PPP2R5A: variants seen among roughly 807,000 people sequenced by gnomAD.
PPP2R5A encodes the protein serine/threonine-protein phosphatase 2A 56 kDa regulatory subunit alpha isoform.
In PPP2R5A, 25 loss-of-function variants were observed where a neutral mutation model predicts 64.2. That is an observed-to-expected ratio of 0.39 (90% CI 0.28 to 0.54). PPP2R5A has a LOEUF of 0.54. PPP2R5A is among the 20% of genes least tolerant of loss of function. The probability of loss-of-function intolerance (pLI) is 0.67; values close to 1 mark genes in which losing one functional copy is unlikely to be tolerated. For synonymous variants in PPP2R5A, 198 were observed against 201.2 expected (o/e 0.98, Z 0.13); for missense variants, 425 against 576.3 (o/e 0.74, Z 2.69).
At chr1:212,324,246 C>A (rs1425344212) in intron 1 of PPP2R5A, among the ~76,000 whole-genome samples, 2 of 152,126 alleles carry the variant, frequency 1.3e-5, no homozygotes, top group East Asian at 3.8e-4. Flanking sequence ...TGTGTACAAA[C>A]CTGTACAGCA....
intron 3 of PPP2R5A, among the ~76,000 whole-genome samples, chr1:212,340,097 C>G (rs1210702827): frequency 6.6e-6 from 1 of 150,564 alleles, no homozygotes; most frequent in Non-Finnish European, 1.5e-5. Context: ...AGTTCGAGAC[C>G]AGCCTGGGCA....
intron 2 of PPP2R5A, 31 bp from the exon 3 acceptor site, chr1:212,333,466 C>T: frequency 7.3e-7 from 1 of 1,377,082 alleles, no homozygotes; most frequent in Non-Finnish European, 9.9e-7. Context: ...ACACATACAA[C>T]AACGAACGTA....
intron 2 of PPP2R5A, among the ~76,000 whole-genome samples, chr1:212,332,466 G>A (rs915672998): frequency 2.0e-5 from 3 of 152,046 alleles, no homozygotes; most frequent in African/African-American, 4.8e-5. Context: ...TAGAGAAAAA[G>A]GATATATATT....
rs568499051 is a variant in PPP2R5A at position 212,297,716 on chromosome 1, CCT to C, written c.181+11429_181+11430del. On this transcript the variant is annotated intron_variant, in intron 1 of 12. Transcript: ENST00000261461. Reference sequence around the variant, plus strand: ...TCATTGATCTTCTTTGAAACACTGTCCTCTCATTTTTAGGTAACCTAAAGTTT... The same window carrying C: ...TCATTGATCTTCTTTGAAACACTGTCCTCATTTTTAGGTAACCTAAAGTTT... 1.6e-3 allele frequency: 236 copies of C among 152,004 alleles called. 1 individual carries two copies. The highest frequency in any genetic ancestry group is 5.3e-3 in the African/African-American group (219 of 41,504). The allele number at this position is 152,004 out of a possible 1,614,324, so 9.4% of individuals were successfully genotyped here. A position where few individuals can be genotyped will look rare whatever the true frequency, so the allele number is the denominator to read the frequency against.
intron 3 of PPP2R5A, among the ~76,000 whole-genome samples, chr1:212,336,173 G>A (rs1176276076): frequency 6.6e-6 from 1 of 152,060 alleles, no homozygotes; most frequent in Non-Finnish European, 1.5e-5. Context: ...GGAGTGCAGT[G>A]GCATGATCTC....
In PPP2R5A at chr1:212,356,746, T is replaced by C. The variant is rs1659984099; in HGVS notation, c.978+70T>C. ...CAATCCCAGGGCTATAAACCATGCTTCTTTGGGCTGGCTGTATTGCTGTTG... is the reference window on the plus strand; with the variant it reads ...CAATCCCAGGGCTATAAACCATGCTCCTTTGGGCTGGCTGTATTGCTGTTG... On this transcript the variant is annotated intron_variant, in intron 9 of 12. Transcript: ENST00000261461. 16 of 1,515,454 alleles carry C rather than the reference T, an allele frequency of 1.1e-5. No homozygotes were observed. The South Asian group carries it at 1.7e-4, about 16-fold the overall frequency. The allele number at this position is 1,515,454 out of a possible 1,614,324, so 93.9% of individuals were successfully genotyped here. A position where few individuals can be genotyped will look rare whatever the true frequency, so the allele number is the denominator to read the frequency against.
At chr1:212,338,701 G>A (rs565666344) in intron 3 of PPP2R5A, among the ~76,000 whole-genome samples, 2 of 152,038 alleles carry the variant, frequency 1.3e-5, no homozygotes, top group African/African-American at 2.4e-5. Flanking sequence ...GCAGGAGAAT[G>A]GCTTGAACCC....
Position 212,332,840 on chromosome 1 carries a change from G to A in PPP2R5A, c.379-657G>A, listed in dbSNP as rs138878206. Among the ~76,000 whole-genome samples the A allele has an allele frequency of 6.9e-3, 1,055 of 151,852 alleles. 11 individuals are homozygous for A. Among genetic ancestry groups the A allele is most frequent in the African/African-American group, 0.023 (962 of 41,450 alleles). On this transcript the variant is annotated intron_variant, in intron 2 of 12. Transcript: ENST00000261461. The stretch of plus-strand genomic sequence containing the variant: ...AGTAGAATTAGTAACTTTTTCCCTC[G>A]AATTCCCTGTACTCCCTTCCTCAAT...
At chr1:212,339,992 TAAAAAA>T (rs67654928) in intron 3 of PPP2R5A, among the ~76,000 whole-genome samples, 9 of 72,738 alleles carry the variant, frequency 1.2e-4, no homozygotes, top group African/African-American at 4.3e-4. Context: ...ACATGCTGCT[TAAAAAA>T]AAAAAAAAAA....
chr1:212,354,879 A>C (rs1465486623), intron 8 of PPP2R5A, among the ~76,000 whole-genome samples: 1 of 152,250 alleles, frequency 6.6e-6, no homozygotes, highest in Non-Finnish European at 1.5e-5. Context: ...TATTCAGTAC[A>C]AGAACATCCT....
At chr1:212,293,380 CT>C (rs1226060011) in intron 1 of PPP2R5A, among the ~76,000 whole-genome samples, 1 of 152,140 alleles carries the variant, frequency 6.6e-6, no homozygotes, top group East Asian at 1.9e-4. Context: ...TGCAATCTTT[CT>C]TTATAAGGAT....
At position 212,353,951 on chromosome 1, in the gene PPP2R5A, G is replaced by A. The variant is rs1482965897; in HGVS notation, c.928-2675G>A. 3.3e-5 allele frequency among the ~76,000 whole-genome samples: 5 copies of A among 152,176 alleles called. No individual in the cohort carries two copies. The East Asian group carries it at 7.7e-4, about 24-fold the overall frequency. On this transcript the variant is annotated intron_variant, in intron 8 of 12. Coordinates refer to ENST00000261461, the MANE Select transcript of PPP2R5A (RefSeq NM_006243.4). ...TGTAATCCTAGCACTTTGAGAGGCC[G>A]AGGCGGGTAGATCACGAGGTCAGGA...
Position 212,357,284 on chromosome 1 carries a change from CGTAA to C in PPP2R5A, c.1226+4_1226+7del. 1 of 1,565,708 alleles carries C rather than the reference CGTAA, an allele frequency of 6.4e-7. No individual in the cohort carries two copies. Among genetic ancestry groups the C allele is most frequent in the Non-Finnish European group, 8.6e-7 (1 of 1,163,998 alleles). On this transcript the variant is annotated splice_donor_variant and splice_donor_region_variant and intron_variant, in intron 11 of 12. Transcript: ENST00000261461. LOFTEE classifies it high-confidence loss of function. The stretch of plus-strand genomic sequence containing the variant: ...AAAATTTCCAAAGAACACTGGAATC[CGTAA>C]GTATCTTTTATATAGGTCGTATTTT...
intron 1 of PPP2R5A, chr1:212,309,141 G>T (rs1208806245): frequency 6.2e-6 from 7 of 1,129,850 alleles, no homozygotes; most frequent in Non-Finnish European, 9.3e-6. Context: ...GCCGAATCAG[G>T]GTGTTGACCT....
At chr1:212,293,525 C>T (rs893499886) in intron 1 of PPP2R5A, among the ~76,000 whole-genome samples, 1 of 152,190 alleles carries the variant, frequency 6.6e-6, no homozygotes, top group African/African-American at 2.4e-5. Flanking sequence ...ATAAACTCTA[C>T]TTCTCTGAGC....
chr1:212,335,839 A>T (rs1449529452), intron 3 of PPP2R5A, among the ~76,000 whole-genome samples: 2 of 152,258 alleles, frequency 1.3e-5, no homozygotes, highest in African/African-American at 4.8e-5. Context: ...GCTGATAATG[A>T]AAAATTCTCA....
chr1:212,339,253 C>T (rs1319882281), intron 3 of PPP2R5A, among the ~76,000 whole-genome samples: 1 of 152,196 alleles, frequency 6.6e-6, no homozygotes, highest in African/African-American at 2.4e-5. Context: ...TCTCGGCTCA[C>T]TGCAACCTCT....
intron 1 of PPP2R5A, among the ~76,000 whole-genome samples, chr1:212,287,624 C>CGATA (rs1384387442): frequency 6.6e-6 from 1 of 152,184 alleles, no homozygotes; most frequent in East Asian, 1.9e-4. Context: ...TCGAATTTAT[C>CGATA]ATTTGATTGC....
At chr1:212,353,067 T>G in intron 8 of PPP2R5A, 1 of 439,500 alleles carries the variant, frequency 2.3e-6, no homozygotes, top group South Asian at 1.7e-5. Context: ...AGTTGGAGTG[T>G]TGGCCAGAAG....
Sources: gnomAD v4.1 joint callset for allele counts (sites outside exome capture counted in the v4.1 genomes callset) on GRCh38, gnomAD v4.1.1 for gene constraint, MANE v1.5 for transcripts, NCBI Gene and HGNC (gene_info 2026-07-23, HGNC 2026-07-21) for gene names.